Variants in LDLRAD4 observed in about 807,000 individuals in gnomAD.
LDLRAD4 encodes the protein low-density lipoprotein receptor class A domain-containing protein 4.
In LDLRAD4, 5 loss-of-function variants were observed where a neutral mutation model predicts 17.0. The observed-to-expected ratio is 0.29, with a 90% confidence interval of 0.15 to 0.62. The LOEUF (loss-of-function observed/expected upper bound fraction) is 0.62, where lower values mean the gene tolerates loss of function less well. Among genes scored for constraint, LDLRAD4 ranks in the 20% least tolerant of loss-of-function variants. The pLI, the probability that LDLRAD4 is intolerant of heterozygous loss-of-function variation, is 0.84. For synonymous variants in LDLRAD4, 168 were observed against 171.8 expected, an observed-to-expected ratio of 0.98 and a Z score of 0.17; for missense variants, 340 against 424.7, an observed-to-expected ratio of 0.80 and a Z score of 1.75.
exon 6 of LDLRAD4, chr18:13,647,928 AC>A (rs1330232629): frequency 2.6e-5 from 4 of 152,204 alleles, no homozygotes; most frequent in African/African-American, 9.6e-5. Flanking sequence ...CCCTGGAGAC[AC>A]CCTGAAGGTT....
chr18:13,539,104 T>C (rs1320531526), intron 3 of LDLRAD4, among the ~76,000 whole-genome samples: 2 of 152,214 alleles, frequency 1.3e-5, no homozygotes, highest in Non-Finnish European at 2.9e-5. Context: ...CAAGTACTCT[T>C]TTTCTCAGAG....
chr18:13,590,754 G>T (rs935965947), intron 3 of LDLRAD4, among the ~76,000 whole-genome samples: 10 of 152,214 alleles, frequency 6.6e-5, no homozygotes, highest in African/African-American at 1.9e-4. Flanking sequence ...TAAAAGCTCA[G>T]GAAAGCTTAC....
intron 1 of LDLRAD4, among the ~76,000 whole-genome samples, chr18:13,228,195 G>A (rs992773060): frequency 2.6e-5 from 4 of 152,194 alleles, no homozygotes; most frequent in East Asian, 3.8e-4. Flanking sequence ...TGAGGCCTGC[G>A]GAGTGGAGAT....
At chr18:13,372,176 A>G (rs1162897063) in intron 1 of LDLRAD4, among the ~76,000 whole-genome samples, 1 of 152,266 alleles carries the variant, frequency 6.6e-6, no homozygotes, top group Non-Finnish European at 1.5e-5. Context: ...CTTGCCAGGC[A>G]TGCCATCAGA....
chr18:13,561,746 C>T (rs1381868049), intron 3 of LDLRAD4: 2 of 152,150 alleles, frequency 1.3e-5, no homozygotes, highest in African/African-American at 2.4e-5. Flanking sequence ...GGATATGGAG[C>T]ATTAAAATAT....
rs1452892810 is a variant in LDLRAD4, at chr18:13,498,948, C to T, written c.181+60564C>T. On this transcript the variant is annotated intron_variant, in intron 3 of 5. Transcript: ENST00000359446. ...ACCGTGGACACCGGAGAATCCTTCT[C>T]GCCATACATGTCCTGCTGTGGACAC... Among the ~76,000 whole-genome samples, 7 of 147,864 alleles carry T rather than the reference C, an allele frequency of 4.7e-5. 1 individual carries two copies. In the South Asian group the frequency reaches 6.5e-4, roughly 14 times the overall value.
At chr18:13,311,569 A>G (rs1012630713) in intron 1 of LDLRAD4, among the ~76,000 whole-genome samples, 12 of 152,178 alleles carry the variant, frequency 7.9e-5, no homozygotes, top group Non-Finnish European at 1.8e-4. Flanking sequence ...GGTTGTCGCC[A>G]TGTTCTCAGG....
chr18:13,533,723 G>A (rs1049623011), intron 3 of LDLRAD4, among the ~76,000 whole-genome samples: 1 of 152,122 alleles, frequency 6.6e-6, no homozygotes, highest in Admixed American at 6.5e-5. Context: ...TTAGAAGGAG[G>A]GATGAGATGG....
intron 2 of LDLRAD4, among the ~76,000 whole-genome samples, chr18:13,416,797 TAATA>T (rs2088939940): frequency 6.6e-6 from 1 of 152,184 alleles, no homozygotes; most frequent in Non-Finnish European, 1.5e-5. Context: ...ACAAAACTCT[TAATA>T]AAGGGAAAAA....
intron 3 of LDLRAD4, among the ~76,000 whole-genome samples, chr18:13,604,691 A>T (rs2095202887): frequency 6.6e-6 from 1 of 152,194 alleles, no homozygotes; most frequent in Non-Finnish European, 1.5e-5. Context: ...GCAAAATAAA[A>T]TATTTTCCTG....
intron 2 of LDLRAD4, among the ~76,000 whole-genome samples, chr18:13,426,497 G>A (rs1207316399): frequency 6.6e-6 from 1 of 151,822 alleles, no homozygotes; most frequent in Non-Finnish European, 1.5e-5. Context: ...CTGCCCAGTA[G>A]CGGGGCTGGT....
chr18:13,523,587 T>C (rs2093986058), intron 3 of LDLRAD4, among the ~76,000 whole-genome samples: 2 of 152,208 alleles, frequency 1.3e-5, no homozygotes, highest in South Asian at 4.1e-4. Context: ...TGAAGTCTGC[T>C]GGGCTGTGGT....
At chr18:13,416,444 TG>T (rs1715857633) in intron 2 of LDLRAD4, among the ~76,000 whole-genome samples, 1 of 152,210 alleles carries the variant, frequency 6.6e-6, no homozygotes, top group African/African-American at 2.4e-5. Context: ...CTTCACTTAA[TG>T]GGTTCGTCAT....
intron 3 of LDLRAD4, among the ~76,000 whole-genome samples, chr18:13,495,137 C>T (rs2093441471): frequency 6.6e-6 from 1 of 152,130 alleles, no homozygotes; most frequent in Admixed American, 6.5e-5. Context: ...AAGGGCTATG[C>T]AGCAGGATTC....
intron 3 of LDLRAD4, among the ~76,000 whole-genome samples, chr18:13,576,711 A>G (rs561218842): frequency 6.6e-6 from 1 of 152,286 alleles, no homozygotes; most frequent in South Asian, 2.1e-4. Flanking sequence ...CAGAACCTTC[A>G]GATTTGTTGG....
intron 3 of LDLRAD4, among the ~76,000 whole-genome samples, chr18:13,448,836 G>A (rs140518900): frequency 2.6e-5 from 4 of 152,320 alleles, no homozygotes; most frequent in Admixed American, 1.3e-4. Flanking sequence ...TAAAGCTGAA[G>A]TCTAAAGCTG....
intron 2 of LDLRAD4, among the ~76,000 whole-genome samples, chr18:13,404,185 C>A (rs1051273641): frequency 3.3e-5 from 5 of 152,362 alleles, no homozygotes; most frequent in Admixed American, 2.0e-4. Context: ...GAGGATGGAA[C>A]CCTTCCTTGA....
At chr18:13,337,873 G>C (rs978194728) in intron 1 of LDLRAD4, among the ~76,000 whole-genome samples, 2 of 152,008 alleles carry the variant, frequency 1.3e-5, no homozygotes, top group Admixed American at 6.6e-5. Flanking sequence ...AAAAAGAAAA[G>C]CTCATGCTCT....
intron 4 of LDLRAD4, among the ~76,000 whole-genome samples, chr18:13,636,277 AGGTC>A (rs2042073152): frequency 1.3e-5 from 2 of 152,134 alleles, no homozygotes; most frequent in South Asian, 4.2e-4. Flanking sequence ...TGGACAAAAA[AGGTC>A]GGCCCCTCCG....
Sources: allele counts gnomAD v4.1 joint callset (sites outside exome capture counted in the v4.1 genomes callset), GRCh38; gene constraint gnomAD v4.1.1; transcripts MANE v1.5; gene names NCBI Gene and HGNC (gene_info 2026-07-23, HGNC 2026-07-21).